CLEC16A: variants seen among roughly 807,000 people sequenced by gnomAD.
CLEC16A encodes C-type lectin domain containing 16A.
CLEC16A carries 51 observed loss-of-function variants against 109.5 expected under a neutral mutation model. The observed-to-expected ratio is 0.47, with a 90% CI of 0.37 to 0.59. The LOEUF is 0.59. CLEC16A is among the 20% of genes least tolerant of loss of function. CLEC16A has a pLI of 0.00. For synonymous variants in CLEC16A, 673 were observed against 564.2 expected (o/e 1.19, Z -2.73); for missense variants, 1,339 against 1,394.0 (o/e 0.96, Z 0.63).
intron 19 of CLEC16A, among the ~76,000 whole-genome samples, chr16:11,095,111 G>C (rs2050531263): frequency 6.6e-6 from 1 of 151,160 alleles, no homozygotes; most frequent in African/African-American, 2.4e-5. Context: ...TTTTAAGTGG[G>C]TAGTCTTTTA....
At chr16:11,063,984 A>C (rs2048629611) in intron 19 of CLEC16A, among the ~76,000 whole-genome samples, 1 of 150,922 alleles carries the variant, frequency 6.6e-6, no homozygotes, top group Admixed American at 6.6e-5. Flanking sequence ...TGGAGGAAGA[A>C]AGGGGAAGGG....
intron 19 of CLEC16A, chr16:11,066,701 G>C (rs1458701137): frequency 2.0e-5 from 3 of 152,202 alleles, no homozygotes; most frequent in Non-Finnish European, 4.4e-5. Context: ...TTCCTCAAAA[G>C]ATCCTCGCGA....
chr16:10,962,617 G>A (rs764505875), intron 3 of CLEC16A, 29 bp downstream of exon 3: 57 of 1,610,094 alleles, frequency 3.5e-5, no homozygotes, highest in Non-Finnish European at 4.8e-5. Context: ...ATTTGCCTCT[G>A]TGCTGCTGTG....
chr16:10,972,642 G>A, intron 6 of CLEC16A, 83 bp downstream of exon 6: 4 of 1,281,982 alleles, frequency 3.1e-6, no homozygotes, highest in South Asian at 2.5e-5. Context: ...GTAATTCTCA[G>A]TGTAGTCTAG....
At position 11,017,084 on chromosome 16, in the gene CLEC16A, G is replaced by T. The variant is rs1597061651; in HGVS notation, c.1304-3109G>T. 2.0e-5 allele frequency among the ~76,000 whole-genome samples: 3 copies of T among 152,166 alleles called. No individual in the cohort carries two copies. In the South Asian group the frequency reaches 6.2e-4, roughly 32 times the overall value. On this transcript the variant is annotated intron_variant, in intron 11 of 23. Transcript: ENST00000409790. ...GTCTGGGGAGAGTCTCTTGGGGCAT[G>T]AGATATCTCCCCACGAGAACACTTT...
At chr16:10,965,860 G>T (rs529673088) in intron 3 of CLEC16A, among the ~76,000 whole-genome samples, 10 of 152,352 alleles carry the variant, frequency 6.6e-5, no homozygotes, top group African/African-American at 2.4e-4. Context: ...AAAAGTCCCT[G>T]CTGGGGAGTG....
chr16:11,022,792 A>G (rs996506573), intron 12 of CLEC16A, among the ~76,000 whole-genome samples: 1 of 151,622 alleles, frequency 6.6e-6, no homozygotes, highest in Non-Finnish European at 1.5e-5. Flanking sequence ...CCAGCTACTC[A>G]GGAGGCTGAG....
At chr16:11,087,680 A>G (rs778179047) in intron 19 of CLEC16A, among the ~76,000 whole-genome samples, 2 of 152,222 alleles carry the variant, frequency 1.3e-5, no homozygotes, top group Non-Finnish European at 2.9e-5. Context: ...AGGGTGGAGA[A>G]TCAGATATGA....
intron 11 of CLEC16A, among the ~76,000 whole-genome samples, chr16:11,013,404 G>A (rs1597044566): frequency 2.0e-5 from 3 of 152,014 alleles, no homozygotes; most frequent in South Asian, 2.1e-4. Context: ...TGAGATGGGC[G>A]GATCATTTGA....
intron 22 of CLEC16A, among the ~76,000 whole-genome samples, chr16:11,145,697 G>A (rs911092336): frequency 4.6e-5 from 7 of 152,366 alleles, no homozygotes; most frequent in East Asian, 3.9e-4. Flanking sequence ...GATTTGGCCC[G>A]CAGGGCATTG....
At chr16:11,104,299 C>T (rs2051093582) in intron 19 of CLEC16A, among the ~76,000 whole-genome samples, 1 of 151,646 alleles carries the variant, frequency 6.6e-6, no homozygotes, top group Non-Finnish European at 1.5e-5. Context: ...AAAATTATCT[C>T]CCTAGGAGTC....
chr16:11,154,582 G>A (rs558061410), intron 22 of CLEC16A, among the ~76,000 whole-genome samples: 12 of 152,130 alleles, frequency 7.9e-5, no homozygotes, highest in Admixed American at 2.6e-4. Context: ...CCAAAGAGCT[G>A]GGCCATTTCT....
At chr16:11,115,263 G>C (rs928977454) in intron 19 of CLEC16A, among the ~76,000 whole-genome samples, 1 of 150,490 alleles carries the variant, frequency 6.6e-6, no homozygotes, top group Admixed American at 6.6e-5. Context: ...AAGGAGAGGA[G>C]GGGGAAGGAG....
intron 19 of CLEC16A, among the ~76,000 whole-genome samples, chr16:11,065,227 T>G (rs2048697372): frequency 6.6e-6 from 1 of 152,144 alleles, no homozygotes; most frequent in Non-Finnish European, 1.5e-5. Flanking sequence ...CTTGCCTGTT[T>G]CCAAATATCA....
At chr16:11,026,979 C>G in intron 13 of CLEC16A, 2 of 1,539,984 alleles carry the variant, frequency 1.3e-6, no homozygotes, top group African/African-American at 2.7e-5. Context: ...CTGTCTTTCC[C>G]ATGTGGTGGG....
chr16:11,119,872 G>C (rs1297898642), intron 19 of CLEC16A, among the ~76,000 whole-genome samples: 2 of 152,242 alleles, frequency 1.3e-5, no homozygotes, highest in African/African-American at 2.4e-5. Context: ...CATTTCTTCT[G>C]ATCCATGAGC....
At chr16:11,039,720 A>C (rs765023594) in intron 13 of CLEC16A, 34 bp from the exon 14 acceptor site, 15 of 1,573,034 alleles carry the variant, frequency 9.5e-6, no homozygotes, top group Non-Finnish European at 1.3e-5. Flanking sequence ...GGTAGTCAGG[A>C]GGCCTCCACT....
At chr16:11,048,463 A>G (rs2047752878) in intron 17 of CLEC16A, 1 of 152,232 alleles carries the variant, frequency 6.6e-6, no homozygotes, top group African/African-American at 2.4e-5. Context: ...TACCCACCAA[A>G]GCATGTGTGA....
chr16:11,113,978 C>G (rs564771475), intron 19 of CLEC16A, among the ~76,000 whole-genome samples: 2 of 152,270 alleles, frequency 1.3e-5, no homozygotes, highest in South Asian at 4.1e-4. Context: ...AACGGCTATG[C>G]TAATTTATTC....
Sources: allele counts gnomAD v4.1 joint callset (sites outside exome capture counted in the v4.1 genomes callset), GRCh38; gene constraint gnomAD v4.1.1; transcripts MANE v1.5; gene names NCBI Gene and HGNC (gene_info 2026-07-23, HGNC 2026-07-21).